ZNF280C: variants seen among roughly 807,000 people sequenced by gnomAD.
ZNF280C encodes suppressor of hairy wing homolog 3.
ZNF280C carries 14 observed loss-of-function variants against 53.6 expected under a neutral mutation model. The observed-to-expected ratio is 0.26, with a 90% CI of 0.17 to 0.41. The LOEUF is 0.41. Ranked by LOEUF, ZNF280C falls within the 10% of genes least tolerant of loss-of-function variation. The pLI is 1.00. For synonymous variants in ZNF280C, 203 were observed against 181.1 expected (o/e 1.12, Z -0.97); for missense variants, 416 against 547.1 (o/e 0.76, Z 2.39).
intron 13 of ZNF280C, among the ~76,000 whole-genome samples, chrX:130,219,085 G>A (rs1442374563): frequency 9.0e-6 from 1 of 111,625 alleles, no homozygotes; most frequent in African/African-American, 3.3e-5. Context: ...AGACATACTC[G>A]CATTCAAAAG....
rs752106500 is a variant in ZNF280C, at chrX:130,221,701, A to G, written c.1396-1221T>C. On this transcript the variant is annotated intron_variant, in intron 12 of 18. Transcript: ENST00000370978. ...AGTGATACCTTAAAAAAAAATTTAT[A>G]ATCTTTCAATTTCTCATCACCTCCA... Among the ~76,000 whole-genome samples, 3 of 111,637 alleles carry G rather than the reference A, an allele frequency of 2.7e-5. No individual in the cohort carries two copies. The South Asian group carries it at 1.1e-3, about 42-fold the overall frequency.
intron 1 of ZNF280C, among the ~76,000 whole-genome samples, chrX:130,266,323 TACC>T (rs1206508625): frequency 8.9e-6 from 1 of 111,734 alleles, no homozygotes; most frequent in Non-Finnish European, 1.9e-5. Flanking sequence ...GAAAGATGGT[TACC>T]AGAGACTTGG....
intron 9 of ZNF280C, 59 bp downstream of exon 9, chrX:130,230,451 A>G: frequency 2.5e-6 from 2 of 790,798 alleles, no homozygotes; most frequent in Non-Finnish European, 3.6e-6. Flanking sequence ...TAAAGATACT[A>G]TATTCTTATC....
At chrX:130,206,322 C>G (rs5975176) in intron 16 of ZNF280C, among the ~76,000 whole-genome samples, 1 of 105,697 alleles carries the variant, frequency 9.5e-6, no homozygotes, top group Admixed American at 1.0e-4. Flanking sequence ...TATTTCACCT[C>G]TATAGGAAAC....
chrX:130,229,218 T>G, intron 9 of ZNF280C, 84 bp from the exon 10 acceptor site: 1 of 956,895 alleles, frequency 1.0e-6, no homozygotes, highest in Admixed American at 2.9e-5. Flanking sequence ...AAAATAAATT[T>G]TTAAAATGTA....
chrX:130,243,768 T>A, intron 4 of ZNF280C, 32 bp downstream of exon 4: 1 of 1,173,122 alleles, frequency 8.5e-7, no homozygotes. Context: ...AATATTTAAC[T>A]TTAAAATTGA....
chrX:130,266,971 A>G (rs982561893), intron 1 of ZNF280C, among the ~76,000 whole-genome samples: 1 of 110,701 alleles, frequency 9.0e-6, no homozygotes, highest in African/African-American at 3.3e-5. Context: ...CGTGGTGGCA[A>G]GGGCCTGTAA....
At chrX:130,205,486 C>A (rs2031963006) in intron 16 of ZNF280C, 71 bp from the exon 17 acceptor site, 3 of 726,483 alleles carry the variant, frequency 4.1e-6, no homozygotes, top group Non-Finnish European at 6.1e-6. Context: ...TCAATAATTA[C>A]TTTTCCATGT....
intron 2 of ZNF280C, among the ~76,000 whole-genome samples, chrX:130,256,050 T>G (rs1045032000): frequency 1.8e-5 from 2 of 111,330 alleles, no homozygotes; most frequent in Non-Finnish European, 3.8e-5. Flanking sequence ...GAGAATCACC[T>G]GAGCTCCAGG....
chrX:130,220,228 T>C (rs367824208), intron 13 of ZNF280C, 121 bp downstream of exon 13: 3 of 551,750 alleles, frequency 5.4e-6, no homozygotes, highest in Admixed American at 4.1e-5. Flanking sequence ...ATTGTTAATA[T>C]AGTTGCCCTA....
At chrX:130,211,784 G>A (rs1403084409) in intron 15 of ZNF280C, among the ~76,000 whole-genome samples, 1 of 111,823 alleles carries the variant, frequency 8.9e-6, no homozygotes, top group East Asian at 2.8e-4. Context: ...GGATAGAATG[G>A]GGCTGAAGGT....
intron 12 of ZNF280C, among the ~76,000 whole-genome samples, chrX:130,221,373 CTACCTA>C (rs749585423): frequency 5.3e-4 from 59 of 111,324 alleles, no homozygotes; most frequent in Non-Finnish European, 9.8e-4. Context: ...ATTTTTTTCT[CTACCTA>C]TACCTATACC....
rs770253862 is a variant in ZNF280C, at chrX:130,236,430, TA to T, written c.664+38del. 2.3e-4 allele frequency: 265 copies of T among 1,142,011 alleles called. 1 individual carries two copies. The South Asian group carries it at 5.6e-3, about 24-fold the overall frequency. 94.1% of individuals were successfully genotyped at this position (1,142,011 alleles called of 1,213,427 possible). A position where few individuals can be genotyped will look rare whatever the true frequency, so the allele number is the denominator to read the frequency against. On this transcript the variant is annotated intron_variant, in intron 7 of 18. Transcript: ENST00000370978. The stretch of plus-strand genomic sequence containing the variant: ...ACAATTTCTAAAACGTATATAAAAA[TA>T]ATACTATTTTTTTTTACATGTCAGA...
intron 2 of ZNF280C, among the ~76,000 whole-genome samples, chrX:130,248,341 AG>A (rs983539698): frequency 9.2e-6 from 1 of 108,807 alleles, no homozygotes; most frequent in Non-Finnish European, 1.9e-5. Flanking sequence ...TGAACTGGCA[AG>A]GAACAACTCA....
Position 130,203,324 on chromosome X carries a change from A to AAC in ZNF280C, c.*1651_*1652dup, listed in dbSNP as rs2031933983. 9.0e-6 allele frequency: 1 copy of AAC among 111,327 alleles called. No homozygotes were observed. The highest frequency in any genetic ancestry group is 9.6e-5 in the Admixed American group (1 of 10,409). 9.2% of individuals were successfully genotyped at this position (111,327 alleles called of 1,213,427 possible). A position where few individuals can be genotyped will look rare whatever the true frequency, so the allele number is the denominator to read the frequency against. On this transcript the variant is annotated 3_prime_UTR_variant, in exon 19 of 19. Transcript: ENST00000370978. Reference sequence around the variant, plus strand: ...TAAAATAAATTTAAGAACAATATAAAACCTAGCTACCAAAATAAAATTAAA... The same window carrying AAC: ...TAAAATAAATTTAAGAACAATATAAAACACCTAGCTACCAAAATAAAATTAAA...
intron 2 of ZNF280C, among the ~76,000 whole-genome samples, chrX:130,247,710 A>C (rs2032464873): frequency 9.1e-6 from 1 of 110,411 alleles, no homozygotes; most frequent in Non-Finnish European, 1.9e-5. Context: ...CTATTATCTG[A>C]AAAAAAAATT....
chrX:130,265,304 G>A (rs1248218669), intron 1 of ZNF280C, among the ~76,000 whole-genome samples: 1 of 111,007 alleles, frequency 9.0e-6, no homozygotes, highest in Non-Finnish European at 1.9e-5. Context: ...TTTGGGATGG[G>A]GCACTATAAT....
chrX:130,219,016 TTA>T (rs1422066530), intron 13 of ZNF280C, among the ~76,000 whole-genome samples: 4 of 111,965 alleles, frequency 3.6e-5, no homozygotes, highest in Non-Finnish European at 7.5e-5. Context: ...GCCAGATGGT[TTA>T]TCTTATGCTA....
intron 6 of ZNF280C, among the ~76,000 whole-genome samples, chrX:130,237,685 G>A (rs2032349347): frequency 9.0e-6 from 1 of 111,663 alleles, no homozygotes. Context: ...TTACATTAAT[G>A]GGTTCCTCTG....
Sources: allele counts gnomAD v4.1 joint callset (sites outside exome capture counted in the v4.1 genomes callset), GRCh38; gene constraint gnomAD v4.1.1; transcripts MANE v1.5; gene names NCBI Gene and HGNC (gene_info 2026-07-23, HGNC 2026-07-21).